CTNNBL1: variants seen among roughly 807,000 people sequenced by gnomAD.
The protein encoded by CTNNBL1 is catenin beta like 1, also known as beta-catenin-like protein 1.
CTNNBL1 carries 31 observed loss-of-function variants against 72.7 expected under a neutral mutation model. That is an observed-to-expected ratio of 0.43 (90% CI 0.32 to 0.58). CTNNBL1 has a LOEUF of 0.58. CTNNBL1 is among the 20% of genes least tolerant of loss of function. The pLI is 0.08. For synonymous variants in CTNNBL1, 240 were observed against 267.3 expected (o/e 0.90, Z 1.00); for missense variants, 534 against 725.1 (o/e 0.74, Z 3.03).
chr20:37,797,240 AACTTCATCATGC>A (rs1431433820), intron 10 of CTNNBL1, among the ~76,000 whole-genome samples: 1 of 152,132 alleles, frequency 6.6e-6, no homozygotes, highest in East Asian at 1.9e-4. Context: ...AATGTAAGTG[AACTTCATCATGC>A]ACGTTGTAAA....
chr20:37,787,229 G>A (rs1234815935), intron 10 of CTNNBL1, among the ~76,000 whole-genome samples: 1 of 151,476 alleles, frequency 6.6e-6, no homozygotes, highest in Non-Finnish European at 1.5e-5. Flanking sequence ...TGAAGTCTTG[G>A]GATATGATGA....
intron 15 of CTNNBL1, among the ~76,000 whole-genome samples, chr20:37,861,327 G>A (rs1472937589): frequency 6.6e-6 from 1 of 152,222 alleles, no homozygotes; most frequent in Non-Finnish European, 1.5e-5. Context: ...CAAGCCCCCA[G>A]TTACAAGGCG....
At chr20:37,695,553 G>A (rs1305067195) in intron 1 of CTNNBL1, among the ~76,000 whole-genome samples, 1 of 152,056 alleles carries the variant, frequency 6.6e-6, no homozygotes, top group East Asian at 1.9e-4. Flanking sequence ...ATTTTAATGT[G>A]TTTACTAGAA....
At chr20:37,846,637 AC>A (rs2072349491) in intron 13 of CTNNBL1, among the ~76,000 whole-genome samples, 1 of 152,024 alleles carries the variant, frequency 6.6e-6, no homozygotes, top group South Asian at 2.1e-4. Context: ...CCGCCCCCGC[AC>A]ATGTGTACAT....
intron 1 of CTNNBL1, among the ~76,000 whole-genome samples, chr20:37,700,369 T>G (rs750798192): frequency 1.1e-4 from 17 of 152,216 alleles, no homozygotes; most frequent in Non-Finnish European, 2.4e-4. Flanking sequence ...TAACATTTTT[T>G]GGGTGCTTAC....
At chr20:37,706,737 A>G (rs2072889141) in intron 1 of CTNNBL1, among the ~76,000 whole-genome samples, 1 of 152,248 alleles carries the variant, frequency 6.6e-6, no homozygotes, top group Non-Finnish European at 1.5e-5. Flanking sequence ...GATGGCATCT[A>G]GAATGATAAA....
chr20:37,767,148 G>A (rs2122665626), intron 6 of CTNNBL1, among the ~76,000 whole-genome samples: 1 of 152,174 alleles, frequency 6.6e-6, no homozygotes, highest in Middle Eastern at 3.4e-3. Context: ...ATTGTGTTTA[G>A]GGAACACAGA....
At chr20:37,719,845 CTT>C (rs751734838) in intron 1 of CTNNBL1, among the ~76,000 whole-genome samples, 11 of 141,356 alleles carry the variant, frequency 7.8e-5, no homozygotes, top group South Asian at 6.7e-4. Flanking sequence ...CTTTTCTTTT[CTT>C]TTTTTTTTTT....
At chr20:37,824,100 A>G (rs2072135756) in intron 11 of CTNNBL1, among the ~76,000 whole-genome samples, 1 of 152,238 alleles carries the variant, frequency 6.6e-6, no homozygotes, top group Admixed American at 6.5e-5. Flanking sequence ...GCTATTGCTA[A>G]AAGTGATGCG....
chr20:37,748,374 G>T (rs532514258), intron 4 of CTNNBL1, among the ~76,000 whole-genome samples: 10 of 152,276 alleles, frequency 6.6e-5, no homozygotes, highest in Admixed American at 5.9e-4. Flanking sequence ...GTTCACCAGG[G>T]TTTGCTGTGG....
intron 10 of CTNNBL1, among the ~76,000 whole-genome samples, chr20:37,786,105 G>A (rs66999026): frequency 0.056 from 8,498 of 151,468 alleles, 264 homozygotes; most frequent in Middle Eastern, 0.085. Context: ...CCCCAAACAC[G>A]TGGAGTCTCT....
chr20:37,861,267 T>A (rs539671924), intron 15 of CTNNBL1, among the ~76,000 whole-genome samples: 1 of 152,342 alleles, frequency 6.6e-6, no homozygotes, highest in South Asian at 2.1e-4. Flanking sequence ...CAAATGCTGC[T>A]GGATCTTTGA....
At chr20:37,821,355 T>C (rs2072105687) in intron 11 of CTNNBL1, among the ~76,000 whole-genome samples, 1 of 152,230 alleles carries the variant, frequency 6.6e-6, no homozygotes, top group African/African-American at 2.4e-5. Context: ...TAGGAATCCC[T>C]TTTGTCCTTT....
intron 13 of CTNNBL1, among the ~76,000 whole-genome samples, chr20:37,849,461 G>C (rs1482683861): frequency 6.6e-6 from 1 of 152,152 alleles, no homozygotes; most frequent in East Asian, 1.9e-4. Context: ...TCCTGACCTT[G>C]TGCTTTCTCA....
chr20:37,748,757 A>G (rs1252220980), intron 4 of CTNNBL1, among the ~76,000 whole-genome samples: 1 of 152,190 alleles, frequency 6.6e-6, no homozygotes, highest in Non-Finnish European at 1.5e-5. Context: ...GCGTCCTCAC[A>G]TGGTGGAAGG....
Position 37,872,108 on chromosome 20 carries a change from T to C in CTNNBL1, c.*95T>C. On this transcript the variant is annotated 3_prime_UTR_variant, in exon 16 of 16. Coordinates refer to ENST00000361383, the MANE Select transcript of CTNNBL1 (RefSeq NM_030877.5). ...GTGTGGCTTTTGGACAAATTAAAGC[T>C]AGTTTTGGTATCCCCGGGCCAGTTT... 1.8e-6 allele frequency: 2 copies of C among 1,141,522 alleles called. No homozygotes were observed. Among genetic ancestry groups the C allele is most frequent in the Non-Finnish European group, 2.6e-6 (2 of 764,424 alleles). The allele number at this position is 1,141,522 out of a possible 1,614,324, so 70.7% of individuals were successfully genotyped here.
At chr20:37,802,589 A>T (rs1486616209) in intron 10 of CTNNBL1, among the ~76,000 whole-genome samples, 1 of 152,182 alleles carries the variant, frequency 6.6e-6, no homozygotes, top group Non-Finnish European at 1.5e-5. Flanking sequence ...AATCTCTTAT[A>T]ATTTTAGTCT....
At chr20:37,769,525 C>A (rs375940831) in intron 7 of CTNNBL1, among the ~76,000 whole-genome samples, 1 of 152,116 alleles carries the variant, frequency 6.6e-6, no homozygotes, top group Admixed American at 6.5e-5. Context: ...TATTTATATT[C>A]TTTGTCCATA....
chr20:37,757,975 G>A (rs2073379629), intron 5 of CTNNBL1, among the ~76,000 whole-genome samples: 1 of 152,210 alleles, frequency 6.6e-6, no homozygotes, highest in African/African-American at 2.4e-5. Context: ...TGTGACTTAG[G>A]CCAAACAAAT....
Sources: allele counts gnomAD v4.1 joint callset (sites outside exome capture counted in the v4.1 genomes callset), GRCh38; gene constraint gnomAD v4.1.1; transcripts MANE v1.5; gene names NCBI Gene and HGNC (gene_info 2026-07-23, HGNC 2026-07-21).